The following MICAL3 variants were observed in gnomAD, a reference collection of about 807,000 sequenced individuals.
MICAL3 encodes [F-actin]-monooxygenase MICAL3.
Under a neutral mutation model 207.4 loss-of-function variants are expected in MICAL3, and 62 were observed. The observed-to-expected ratio is 0.30, with a 90% CI of 0.24 to 0.37. The LOEUF is 0.37. Ranked by LOEUF, MICAL3 falls within the 10% of genes least tolerant of loss-of-function variation. The probability of loss-of-function intolerance (pLI) is 1.00; values close to 1 mark genes in which losing one functional copy is unlikely to be tolerated. For synonymous variants in MICAL3, 1,077 were observed against 1,069.3 expected (o/e 1.01, Z -0.14); for missense variants, 2,368 against 2,635.6 (o/e 0.90, Z 2.22).
At chr22:17,822,417 T>A (rs1413578587) in intron 23 of MICAL3, among the ~76,000 whole-genome samples, 1 of 152,186 alleles carries the variant, frequency 6.6e-6, no homozygotes, top group East Asian at 1.9e-4. Context: ...CTGTTTCTTT[T>A]AAAATACAGC....
intron 1 of MICAL3, among the ~76,000 whole-genome samples, chr22:17,989,393 G>A (rs773555893): frequency 6.6e-6 from 1 of 152,078 alleles, no homozygotes; most frequent in Non-Finnish European, 1.5e-5. Context: ...TCAACTATTT[G>A]TGTGTCTGTC....
Position 17,817,644 on chromosome 22 carries a change from G to A in MICAL3, c.5017C>T (p.Leu1673Phe). ...CCCCCTGAGTCCGACGGCGGGGAGA[G>A]GACCTCCTCGCTGGTGGCTTCATGC... ...LKHEATSEEV[L>F]SPPSDSGGPD... Residue 1673 changes from leucine to phenylalanine, a missense_variant, in exon 26 of 32, where the codon CTC becomes TTC. Physicochemically the swap from Leu to Phe is conservative, Grantham distance 22. Around this residue, in one of 4 missense-constraint regions of MICAL3, gnomAD observed 1,770 missense variants for 1,863.2 expected, o/e 0.95. Coordinates refer to ENST00000441493, the MANE Select transcript of MICAL3 (RefSeq NM_015241.3). 2 of 1,612,710 alleles carry A rather than the reference G, an allele frequency of 1.2e-6. No individual in the cohort carries two copies. Among genetic ancestry groups the A allele is most frequent in the Non-Finnish European group, 1.7e-6 (2 of 1,179,792 alleles).
intron 1 of MICAL3, among the ~76,000 whole-genome samples, chr22:17,934,815 T>C (rs1035234840): frequency 1.3e-5 from 2 of 151,992 alleles, no homozygotes; most frequent in South Asian, 2.1e-4. Context: ...ACACCAATAA[T>C]AGACAAACCG....
intron 1 of MICAL3, among the ~76,000 whole-genome samples, chr22:17,936,295 A>C (rs1425532835): frequency 6.6e-6 from 1 of 152,198 alleles, no homozygotes; most frequent in Non-Finnish European, 1.5e-5. Flanking sequence ...TGAAGCTGGA[A>C]ACCATCATTC....
At chr22:18,013,272 A>T (rs186089571) in intron 1 of MICAL3, among the ~76,000 whole-genome samples, 2 of 152,342 alleles carry the variant, frequency 1.3e-5, no homozygotes, top group Admixed American at 6.5e-5. Context: ...ATATCCTTCT[A>T]ATAAATGTCT....
At chr22:17,947,606 G>C (rs1338907420) in intron 1 of MICAL3, among the ~76,000 whole-genome samples, 1 of 152,174 alleles carries the variant, frequency 6.6e-6, no homozygotes, top group Admixed American at 6.5e-5. Flanking sequence ...TGTCCAGGCT[G>C]GAGTGCAGTG....
chr22:17,984,142 T>C (rs1936049603), intron 1 of MICAL3, among the ~76,000 whole-genome samples: 1 of 152,082 alleles, frequency 6.6e-6, no homozygotes, highest in African/African-American at 2.4e-5. Context: ...GCCAGGCAAG[T>C]TCCATCTATC....
chr22:17,940,391 T>C (rs1241408881), intron 1 of MICAL3, among the ~76,000 whole-genome samples: 1 of 151,954 alleles, frequency 6.6e-6, no homozygotes, highest in Non-Finnish European at 1.5e-5. Flanking sequence ...GGTGACATAG[T>C]GTGACTCTGT....
chr22:17,980,421 C>T (rs771939363), intron 1 of MICAL3, among the ~76,000 whole-genome samples: 3 of 152,152 alleles, frequency 2.0e-5, no homozygotes, highest in Non-Finnish European at 4.4e-5. Context: ...TGTTCAAATC[C>T]GCCTGCTATC....
chr22:17,820,064 G>A (rs1023006703), intron 25 of MICAL3, among the ~76,000 whole-genome samples: 1 of 151,084 alleles, frequency 6.6e-6, no homozygotes, highest in African/African-American at 2.4e-5. Context: ...CCGAGGAGTT[G>A]GGAGGCTGCA....
At chr22:17,992,916 A>C (rs914788912) in intron 1 of MICAL3, among the ~76,000 whole-genome samples, 5 of 152,196 alleles carry the variant, frequency 3.3e-5, no homozygotes, top group African/African-American at 1.2e-4. Flanking sequence ...GAAGACTAGA[A>C]ATGATGTGTG....
intron 1 of MICAL3, among the ~76,000 whole-genome samples, chr22:17,930,484 A>G (rs1933189801): frequency 6.6e-6 from 1 of 152,376 alleles, no homozygotes; most frequent in Non-Finnish European, 1.5e-5. Context: ...AGAGGAATGA[A>G]CTACTGCAAC....
At chr22:17,803,734 T>A (rs945815421) in intron 29 of MICAL3, 47 of 716,578 alleles carry the variant, frequency 6.6e-5, no homozygotes, top group Non-Finnish European at 7.2e-5. Flanking sequence ...CTTGTTTTTG[T>A]GAGCAGGGAC....
At chr22:17,877,594 GGGAGGTTAT>G (rs1602127343) in intron 16 of MICAL3, among the ~76,000 whole-genome samples, 2 of 146,114 alleles carry the variant, frequency 1.4e-5, no homozygotes, top group East Asian at 4.0e-4. Context: ...ATGGAGGTTA[GGGAGGTTAT>G]GGAGGATGGC....
chr22:17,879,473 G>A, intron 16 of MICAL3: 2 of 1,301,986 alleles, frequency 1.5e-6, no homozygotes, highest in South Asian at 1.4e-5. Flanking sequence ...ACGACAGTGG[G>A]AAATTCAGGG....
chr22:17,942,477 C>T (rs1933854033), intron 1 of MICAL3, among the ~76,000 whole-genome samples: 1 of 152,208 alleles, frequency 6.6e-6, no homozygotes, highest in East Asian at 1.9e-4. Context: ...TTTCTAGAAA[C>T]AGCTGTGAAG....
chr22:17,862,197 G>A, intron 19 of MICAL3: 1 of 985,190 alleles, frequency 1.0e-6, no homozygotes. Context: ...ATGGGCCTGA[G>A]CTAATGACTG....
chr22:17,940,012 C>T (rs981270627), intron 1 of MICAL3, among the ~76,000 whole-genome samples: 1 of 152,196 alleles, frequency 6.6e-6, no homozygotes, highest in African/African-American at 2.4e-5. Context: ...AGCCGGCAGT[C>T]CTGTACCACT....
At chr22:17,908,885 C>A (rs1303613215) in intron 1 of MICAL3, among the ~76,000 whole-genome samples, 1 of 152,202 alleles carries the variant, frequency 6.6e-6, no homozygotes, top group African/African-American at 2.4e-5. Context: ...TCTTGGAAGA[C>A]AGGCACCATG....
Sources: allele counts gnomAD v4.1 joint callset (sites outside exome capture counted in the v4.1 genomes callset), GRCh38; gene constraint gnomAD v4.1.1; regional missense constraint gnomAD v4.1.1; transcripts MANE v1.5; gene names NCBI Gene and HGNC (gene_info 2026-07-23, HGNC 2026-07-21).